The following PRICKLE2 variants were observed in gnomAD, a reference collection of about 807,000 sequenced individuals.
PRICKLE2 encodes prickle planar cell polarity protein 2, also known as prickle-like protein 2.
PRICKLE2 carries 21 observed loss-of-function variants against 81.4 expected under a neutral mutation model. That is an observed-to-expected ratio of 0.26 (90% CI 0.18 to 0.37). The LOEUF is 0.37. PRICKLE2 is among the 10% of genes least tolerant of loss of function. The pLI is 1.00. For missense variants in PRICKLE2, 940 were observed against 1,109.0 expected, an observed-to-expected ratio of 0.85 and a Z score of 2.16; for synonymous variants, 456 against 421.5, an observed-to-expected ratio of 1.08 and a Z score of -1.00.
At chr3:64,241,426 T>C (rs1220331292) in intron 2 of PRICKLE2, among the ~76,000 whole-genome samples, 2 of 152,232 alleles carry the variant, frequency 1.3e-5, no homozygotes, top group African/African-American at 2.4e-5. Context: ...TCTACTTATA[T>C]TGACATAAAT....
rs2076547008 is a variant in PRICKLE2 at position 64,094,756 on chromosome 3, A to C, written c.*4295T>G. The C allele has an allele frequency of 6.5e-6, 1 of 152,686 alleles. No homozygotes were observed. The highest frequency in any genetic ancestry group is 2.1e-4 in the South Asian group (1 of 4,836). The allele number at this position is 152,686 out of a possible 1,614,324, so 9.5% of individuals were successfully genotyped here. Reference sequence around the variant, plus strand: ...CCAGAGGGACAAACCACTGGAGACAAGGCAAAGGCCATTTCTACTTCTCTT... The same window carrying C: ...CCAGAGGGACAAACCACTGGAGACACGGCAAAGGCCATTTCTACTTCTCTT... On this transcript the variant is annotated 3_prime_UTR_variant, in exon 8 of 8. Transcript: ENST00000638394.
chr3:64,159,317 C>A (rs1025177969), intron 4 of PRICKLE2, among the ~76,000 whole-genome samples: 1 of 152,244 alleles, frequency 6.6e-6, no homozygotes, highest in Admixed American at 6.5e-5. Context: ...AAATGGCTCT[C>A]GTTCTGGGAT....
rs2076982916 is a variant in PRICKLE2, at chr3:64,118,918, G to A, written c.1661-18993C>T. 2.0e-5 allele frequency among the ~76,000 whole-genome samples: 3 copies of A among 152,124 alleles called. No individual in the cohort carries two copies. The South Asian group carries it at 6.2e-4, about 32-fold the overall frequency. The stretch of plus-strand genomic sequence containing the variant: ...TGTTCTATTATAAAGAAAGATGCAG[G>A]TGTTTATGTCTATTGAGCACTATTC... On this transcript the variant is annotated intron_variant, in intron 7 of 7. Coordinates refer to ENST00000638394, the MANE Select transcript of PRICKLE2 (RefSeq NM_198859.4).
rs752679413 is a variant in PRICKLE2 at position 64,207,806 on chromosome 3, G to A, written c.-40-8839C>T. Among the ~76,000 whole-genome samples, 32 of 152,112 alleles carry A rather than the reference G, an allele frequency of 2.1e-4. 1 individual carries two copies. The highest frequency in any genetic ancestry group is 3.9e-4 in the Admixed American group (6 of 15,270). ...GTGCAAGTGGAGAGAGATGCGGCAC[G>A]GATAATTTAAAACCACTAAGACTTG... is the stretch of plus-strand genomic sequence containing the variant. On this transcript the variant is annotated intron_variant, in intron 1 of 7. Transcript: ENST00000638394.
chr3:64,183,762 GA>G (rs2078174400), intron 2 of PRICKLE2, among the ~76,000 whole-genome samples: 1 of 152,190 alleles, frequency 6.6e-6, no homozygotes, highest in African/African-American at 2.4e-5. Flanking sequence ...ATGGGAAATA[GA>G]AGCTAGAAGA....
chr3:64,150,501 T>C (rs894957648), intron 6 of PRICKLE2, among the ~76,000 whole-genome samples: 5 of 152,082 alleles, frequency 3.3e-5, no homozygotes, highest in African/African-American at 4.8e-5. Context: ...AAGAAATAAC[T>C]AGGAGGCTGC....
At chr3:64,108,740 C>T (rs2076796475) in intron 7 of PRICKLE2, among the ~76,000 whole-genome samples, 2 of 152,124 alleles carry the variant, frequency 1.3e-5, no homozygotes, top group Non-Finnish European at 2.9e-5. Flanking sequence ...GTTTCAAGGA[C>T]GATTTTCTTT....
At chr3:64,223,134 C>G (rs2078981490) in intron 1 of PRICKLE2, among the ~76,000 whole-genome samples, 1 of 152,208 alleles carries the variant, frequency 6.6e-6, no homozygotes, top group Non-Finnish European at 1.5e-5. Context: ...TGGATGTGAA[C>G]ATGTTGCCTT....
At chr3:64,252,370 A>C (rs2079460177) in intron 2 of PRICKLE2, among the ~76,000 whole-genome samples, 1 of 152,168 alleles carries the variant, frequency 6.6e-6, no homozygotes, top group Non-Finnish European at 1.5e-5. Context: ...ACCACATGCT[A>C]TGGGGGCCAG....
rs1020555465 is a variant in PRICKLE2, at chr3:64,094,244, G to C, written c.*4807C>G. 2 of 152,150 alleles carry C rather than the reference G, an allele frequency of 1.3e-5. No individual in the cohort carries two copies. The highest frequency in any genetic ancestry group is 2.9e-5 in the Non-Finnish European group (2 of 68,028). The allele number at this position is 152,150 out of a possible 1,614,324, so 9.4% of individuals were successfully genotyped here. ...TCATAGTCCTTACAATGTTAAGTCA[G>C]GGTCTATGACAGAATCATGACACTT... On this transcript the variant is annotated 3_prime_UTR_variant, in exon 8 of 8. Coordinates refer to ENST00000638394, the MANE Select transcript of PRICKLE2 (RefSeq NM_198859.4).
chr3:64,244,598 T>C (rs1231833674), intron 2 of PRICKLE2, among the ~76,000 whole-genome samples: 2 of 118,284 alleles, frequency 1.7e-5, no homozygotes, highest in Admixed American at 1.9e-4. Flanking sequence ...AAAAAGTGAA[T>C]GACTGGTGTG....
chr3:64,182,133 G>A (rs1353950322), intron 2 of PRICKLE2, among the ~76,000 whole-genome samples: 2 of 152,124 alleles, frequency 1.3e-5, no homozygotes, highest in African/African-American at 2.4e-5. Context: ...CAATGCAACA[G>A]TGTTGGGAGA....
At chr3:64,203,581 G>T (rs1287676801) in intron 1 of PRICKLE2, among the ~76,000 whole-genome samples, 1 of 152,048 alleles carries the variant, frequency 6.6e-6, no homozygotes, top group Non-Finnish European at 1.5e-5. Context: ...ATGATTTAAC[G>T]AACTGAGGAT....
chr3:64,151,535 C>A (rs576526456), intron 6 of PRICKLE2, among the ~76,000 whole-genome samples: 1 of 152,294 alleles, frequency 6.6e-6, no homozygotes, highest in Admixed American at 6.5e-5. Context: ...TGGAGAGGCT[C>A]TTAGCCTCCA....
chr3:64,132,111 CTTCTCATCCAAGTCT>C (rs1559528413), intron 7 of PRICKLE2, among the ~76,000 whole-genome samples: 1 of 152,212 alleles, frequency 6.6e-6, no homozygotes, highest in East Asian at 1.9e-4. Context: ...AGGCCAAGTC[CTTCTCATCCAAGTCT>C]TAGCTCACCC....
rs978860217 is a variant in PRICKLE2, at chr3:64,093,712, G to C, written c.*5339C>G. ...AGCACAAGACGTCAATATTGCTGAG[G>C]CTTAGAAACCCTGATTTAAACAATC... On this transcript the variant is annotated 3_prime_UTR_variant, in exon 8 of 8. Coordinates refer to ENST00000638394, the MANE Select transcript of PRICKLE2 (RefSeq NM_198859.4). 1 of 152,036 alleles carries C rather than the reference G, an allele frequency of 6.6e-6. No homozygotes were observed. Among genetic ancestry groups the C allele is most frequent in the African/African-American group, 2.4e-5 (1 of 41,374 alleles). The allele number at this position is 152,036 out of a possible 1,614,324, so 9.4% of individuals were successfully genotyped here. A position where few individuals can be genotyped will look rare whatever the true frequency, so the allele number is the denominator to read the frequency against.
At chr3:64,160,113 C>T (rs547881856) in intron 3 of PRICKLE2, 36 bp from the exon 4 acceptor site, 3 of 1,609,638 alleles carry the variant, frequency 1.9e-6, no homozygotes, top group East Asian at 2.2e-5. Flanking sequence ...GAAAAAGTCA[C>T]CCTTGCTCCT....
intron 2 of PRICKLE2, chr3:64,163,380 T>G: frequency 1.9e-6 from 1 of 538,546 alleles, no homozygotes; most frequent in Non-Finnish European, 3.4e-6. Context: ...CTAGTAAATT[T>G]TCCTAGAAAC....
rs534357843 is a variant in PRICKLE2 at position 64,107,820 on chromosome 3, T to G, written c.1661-7895A>C. 1.0e-3 allele frequency among the ~76,000 whole-genome samples: 154 copies of G among 152,328 alleles called. 1 individual carries two copies. The highest frequency in any genetic ancestry group is 2.9e-3 in the Admixed American group (44 of 15,296). On this transcript the variant is annotated intron_variant, in intron 7 of 7. Transcript: ENST00000638394. Reference sequence around the variant, plus strand: ...CTCCAGAGCCTTTCAAAAAATAACTTTTTTAAGCATTCATATTTCACATTT... The same window carrying G: ...CTCCAGAGCCTTTCAAAAAATAACTGTTTTAAGCATTCATATTTCACATTT...
Sources: gnomAD v4.1 joint callset for allele counts (sites outside exome capture counted in the v4.1 genomes callset) on GRCh38, gnomAD v4.1.1 for gene constraint, MANE v1.5 for transcripts, NCBI Gene and HGNC (gene_info 2026-07-23, HGNC 2026-07-21) for gene names.